Variants in ZNF639 observed in about 807,000 individuals in gnomAD.
ZNF639 encodes zinc finger amplified in esophageal squamous cell carcinomas 1.
ZNF639 carries 20 observed loss-of-function variants against 39.8 expected under a neutral mutation model. That is an observed-to-expected ratio of 0.50 (90% confidence interval 0.35 to 0.73). ZNF639 has a LOEUF of 0.73. ZNF639 is among the 30% of genes least tolerant of loss of function. The pLI, the probability that ZNF639 is intolerant of heterozygous loss-of-function variation, is 0.00. For synonymous variants in ZNF639, 176 were observed against 189.8 expected (o/e 0.93, Z 0.60); for missense variants, 477 against 566.2 (o/e 0.84, Z 1.60).
chr3:179,328,251 G>A, intron 2 of ZNF639, 32 bp from the exon 3 acceptor site: 1 of 1,234,122 alleles, frequency 8.1e-7, no homozygotes, highest in South Asian at 1.3e-5. Context: ...TGTTATTTGT[G>A]ACATATTTGT....
chr3:179,332,763 C>G (rs1387968309), intron 4 of ZNF639, among the ~76,000 whole-genome samples: 2 of 152,148 alleles, frequency 1.3e-5, no homozygotes. Context: ...TAAGGAACTT[C>G]AAAAAGTGTA....
intron 1 of ZNF639, among the ~76,000 whole-genome samples, chr3:179,326,594 A>G (rs1254702862): frequency 6.6e-6 from 1 of 151,984 alleles, no homozygotes; most frequent in Non-Finnish European, 1.5e-5. Context: ...AATTATTATT[A>G]TCACTTTTAC....
intron 4 of ZNF639, 96 bp from the exon 5 acceptor site, chr3:179,332,893 G>T: frequency 1.4e-6 from 2 of 1,418,026 alleles, no homozygotes; most frequent in South Asian, 1.6e-5. Flanking sequence ...AGTTCCTGTT[G>T]GAATTCAAAA....
In ZNF639 at chr3:179,333,483, T is replaced by C; in HGVS notation, c.519T>C (p.Ala173=). Residue 173 remains alanine, a synonymous_variant, in exon 6 of 6, where the codon GCT becomes GCC. Coordinates refer to ENST00000496856, the MANE Select transcript of ZNF639 (RefSeq NM_001303426.2). ...LQDQTDEEPP[A]KLCKILDKSQ... The stretch of plus-strand genomic sequence containing the variant: ...ACCAAACTGATGAAGAACCGCCAGC[T>C]AAACTTTGTAAAATTCTTGACAAGA... 1.2e-6 allele frequency: 2 copies of C among 1,614,192 alleles called. No homozygotes were observed. The highest frequency in any genetic ancestry group is 2.7e-5 in the African/African-American group (2 of 75,056).
At chr3:179,323,449 C>T (rs539284846) in intron 1 of ZNF639, among the ~76,000 whole-genome samples, 158 bp downstream of exon 1, 188 of 152,274 alleles carry the variant, frequency 1.2e-3, no homozygotes, top group Non-Finnish European at 2.2e-3. Context: ...GTTCCCCTCC[C>T]CCATCCCGAA....
chr3:179,325,394 C>G (rs1191910256), intron 1 of ZNF639: 2 of 152,170 alleles, frequency 1.3e-5, no homozygotes, highest in Non-Finnish European at 2.9e-5. Context: ...CTATTCTGTT[C>G]CCCTTCTCCC....
rs1368451749 is a variant in ZNF639, at chr3:179,337,484, G to T, written c.*3062G>T. 1 of 150,390 alleles carries T rather than the reference G, an allele frequency of 6.6e-6. No homozygotes were observed. Among genetic ancestry groups the T allele is most frequent in the African/African-American group, 2.4e-5 (1 of 40,958 alleles). 9.3% of individuals were successfully genotyped at this position (150,390 alleles called of 1,614,324 possible). ...CCCAAGTAGCTGGGATTATAGGCGT[G>T]TGCCACCACACCCGGCTAATTTTTG... is the stretch of plus-strand genomic sequence containing the variant. On this transcript the variant is annotated 3_prime_UTR_variant, in exon 6 of 6. Coordinates refer to ENST00000496856, the MANE Select transcript of ZNF639 (RefSeq NM_001303426.2).
chr3:179,330,983 G>A (rs1727874541), intron 4 of ZNF639, among the ~76,000 whole-genome samples: 1 of 152,226 alleles, frequency 6.6e-6, no homozygotes, highest in South Asian at 2.1e-4. Context: ...ACACCCAGAA[G>A]CAGTGAGCAT....
chr3:179,330,834 C>T (rs191843912), intron 4 of ZNF639, among the ~76,000 whole-genome samples: 9 of 152,332 alleles, frequency 5.9e-5, no homozygotes, highest in Admixed American at 2.0e-4. Context: ...GAGTTAGAGA[C>T]ATCGGTATGA....
At chr3:179,329,418 A>G (rs1047801818) in intron 3 of ZNF639, among the ~76,000 whole-genome samples, 200 bp from the exon 4 acceptor site, 1 of 152,226 alleles carries the variant, frequency 6.6e-6, no homozygotes, top group Non-Finnish European at 1.5e-5. Flanking sequence ...GTTTTAGAGT[A>G]TGTAATTTGT....
Position 179,334,423 on chromosome 3 carries a change from T to C in ZNF639, c.*1T>C. 6.6e-7 allele frequency: 1 copy of C among 1,517,188 alleles called. No individual in the cohort carries two copies. The highest frequency in any genetic ancestry group is 8.8e-7 in the Non-Finnish European group (1 of 1,135,800). 94.0% of individuals were successfully genotyped at this position (1,517,188 alleles called of 1,614,324 possible). On this transcript the variant is annotated 3_prime_UTR_variant, in exon 6 of 6. Coordinates refer to ENST00000496856, the MANE Select transcript of ZNF639 (RefSeq NM_001303426.2). ...CCTTCCAGTCCATGAGACAACTTGATTATTCTCTTTAACTTACAGAATGTT... is the reference window on the plus strand; with the variant it reads ...CCTTCCAGTCCATGAGACAACTTGACTATTCTCTTTAACTTACAGAATGTT...
intron 3 of ZNF639, 100 bp from the exon 4 acceptor site, chr3:179,329,517 AT>A (rs1560179911): frequency 1.5e-6 from 1 of 683,534 alleles, no homozygotes; most frequent in African/African-American, 1.9e-5. Context: ...TACAGATACT[AT>A]AATTAACATT....
At chr3:179,329,350 A>G (rs9846648) in intron 3 of ZNF639, among the ~76,000 whole-genome samples, 4,170 of 152,104 alleles carry the variant, frequency 0.027, 187 homozygotes, top group African/African-American at 0.096. Context: ...ATATATTTTT[A>G]TTTTGTGTGA....
chr3:179,324,680 G>T (rs772159490), intron 1 of ZNF639, among the ~76,000 whole-genome samples: 3 of 152,158 alleles, frequency 2.0e-5, no homozygotes, highest in Non-Finnish European at 2.9e-5. Flanking sequence ...TTCCTGATCC[G>T]TGTGCCTCCT....
chr3:179,330,586 C>G (rs1727852293), intron 4 of ZNF639, among the ~76,000 whole-genome samples: 1 of 152,196 alleles, frequency 6.6e-6, no homozygotes, highest in South Asian at 2.1e-4. Flanking sequence ...GCTCTCAGCC[C>G]TAAATCCACT....
At position 179,328,639 on chromosome 3, in the gene ZNF639, G is replaced by A. The variant is rs73043423; in HGVS notation, c.58+288G>A. Among the ~76,000 whole-genome samples, 381 of 152,230 alleles carry A rather than the reference G, an allele frequency of 2.5e-3. 1 individual carries two copies. Among genetic ancestry groups the A allele is most frequent in the African/African-American group, 8.6e-3 (359 of 41,522 alleles). On this transcript the variant is annotated intron_variant, in intron 3 of 5. Coordinates refer to ENST00000496856, the MANE Select transcript of ZNF639 (RefSeq NM_001303426.2). ...TACTTATATAACATAATTGGGATTTGCATGTCTGATACCTAAGCTGTGCTT... is the reference window on the plus strand; with the variant it reads ...TACTTATATAACATAATTGGGATTTACATGTCTGATACCTAAGCTGTGCTT...
intron 1 of ZNF639, chr3:179,323,967 T>G (rs929031200): frequency 1.3e-5 from 2 of 152,210 alleles, no homozygotes; most frequent in Admixed American, 6.5e-5. Flanking sequence ...GACTGAAAAA[T>G]AGCGAATCAA....
At position 179,334,315 on chromosome 3, in the gene ZNF639, G is replaced by A. The variant is rs751257866; in HGVS notation, c.1351G>A (p.Asp451Asn). Reference sequence around the variant, plus strand: ...AATTGAAGATCTTAAAATTCATCTAGATTTCAAGCATTCAGCTGACTTGCC... The same window carrying A: ...AATTGAAGATCTTAAAATTCATCTAAATTTCAAGCATTCAGCTGACTTGCC... ...GQIEDLKIHL[D>N]FKHSADLPHK... The change falls in exon 6 of 6, where the codon GAT becomes AAT. Residue 451 changes from aspartate (D) to asparagine (N), a missense_variant. Coordinates refer to ENST00000496856, the MANE Select transcript of ZNF639 (RefSeq NM_001303426.2). 2.4e-5 allele frequency: 38 copies of A among 1,612,818 alleles called. No homozygotes were observed. Among genetic ancestry groups the A allele is most frequent in the Non-Finnish European group, 3.1e-5 (37 of 1,179,448 alleles).
chr3:179,330,705 A>T (rs1166767942), intron 4 of ZNF639, among the ~76,000 whole-genome samples: 1 of 149,038 alleles, frequency 6.7e-6, no homozygotes, highest in Non-Finnish European at 1.5e-5. Context: ...TATACCACAT[A>T]GTGTGGAAGA....
Sources: gnomAD v4.1 joint callset for allele counts (sites outside exome capture counted in the v4.1 genomes callset) on GRCh38, gnomAD v4.1.1 for gene constraint, MANE v1.5 for transcripts, NCBI Gene and HGNC (gene_info 2026-07-23, HGNC 2026-07-21) for gene names.